The following PRPF18 variants were observed in gnomAD, a reference collection of about 807,000 sequenced individuals.
PRPF18 encodes pre-mRNA-splicing factor 18.
A neutral mutation model predicts 46.5 loss-of-function variants in PRPF18; 38 were observed. That is an observed-to-expected ratio of 0.82 (90% CI 0.63 to 1.07). PRPF18 has a LOEUF of 1.07. Ranked by LOEUF, PRPF18 falls within the 50% of genes least tolerant of loss-of-function variation. The pLI, the probability that PRPF18 is intolerant of heterozygous loss-of-function variation, is 0.00. For missense variants in PRPF18, 263 were observed against 410.0 expected (o/e 0.64, Z 3.10); for synonymous variants, 152 against 146.7 (o/e 1.04, Z -0.26).
intron 9 of PRPF18, among the ~76,000 whole-genome samples, chr10:13,624,375 C>T (rs553349124): frequency 3.9e-5 from 6 of 152,348 alleles, no homozygotes; most frequent in South Asian, 2.1e-4. Context: ...GCAGTCATTA[C>T]GGAACCAAAC....
intron 4 of PRPF18, among the ~76,000 whole-genome samples, chr10:13,608,063 T>C (rs538180892): frequency 1.3e-5 from 2 of 152,366 alleles, no homozygotes; most frequent in South Asian, 4.1e-4. Context: ...ACTCCAAAAC[T>C]TACTAGTGTT....
chr10:13,651,915 G>A, the PRPF18 span: 3 of 1,564,772 alleles, frequency 1.9e-6, no homozygotes, highest in African/African-American at 1.3e-5. Flanking sequence ...CTATTCATCA[G>A]TACTTTGGTG....
At chr10:13,633,593 C>T (rs1245322113), downstream of PRPF18, among the ~76,000 whole-genome samples, 1 of 152,152 alleles carries the variant, frequency 6.6e-6, no homozygotes, top group Non-Finnish European at 1.5e-5. Flanking sequence ...TGCCCCACCC[C>T]ATGAGGTTAA....
At chr10:13,647,747 T>TAAG in the PRPF18 span, 1 of 150,894 alleles carries the variant, frequency 6.6e-6, no homozygotes, top group East Asian at 1.9e-4. Context: ...TTTTTTTTTT[T>TAAG]TAAGTATTTT....
intron 3 of PRPF18, among the ~76,000 whole-genome samples, chr10:13,603,468 A>G (rs2080144050): frequency 6.6e-6 from 1 of 152,250 alleles, no homozygotes; most frequent in Non-Finnish European, 1.5e-5. Flanking sequence ...ATTTAAACTG[A>G]TAACCAGAAA....
the PRPF18 span, chr10:13,650,995 TG>T: frequency 6.6e-6 from 1 of 152,228 alleles, no homozygotes; most frequent in Non-Finnish European, 1.5e-5. Context: ...TCATGCTCCT[TG>T]TATATCTTCT....
In PRPF18 at chr10:13,587,128, G is replaced by T; in HGVS notation, c.42G>T (p.Leu14=). Reference sequence around the variant, plus strand: ...CAGAGATCCTTCGGAAGCGGCAGCTGGTGGAGGACAGGAACCTGCTGGTGG... The same window carrying T: ...CAGAGATCCTTCGGAAGCGGCAGCTTGTGGAGGACAGGAACCTGCTGGTGG... ...LKSEILRKRQ[L]VEDRNLLVEN... The change falls in exon 1 of 10, where the codon CTG becomes CTT. Residue 14 remains leucine, a synonymous_variant. Coordinates refer to ENST00000378572, the MANE Select transcript of PRPF18 (RefSeq NM_003675.4). 2 of 1,614,184 alleles carry T rather than the reference G, an allele frequency of 1.2e-6. No homozygotes were observed. Among genetic ancestry groups the T allele is most frequent in the Non-Finnish European group, 1.7e-6 (2 of 1,180,002 alleles).
intron 9 of PRPF18, among the ~76,000 whole-genome samples, chr10:13,621,444 C>T (rs2080418533): frequency 6.6e-6 from 1 of 152,194 alleles, no homozygotes; most frequent in Admixed American, 6.5e-5. Flanking sequence ...TGTCGCTTCT[C>T]TCGGGTGGCT....
chr10:13,652,682 G>A, the PRPF18 span, among the ~76,000 whole-genome samples: 1 of 152,194 alleles, frequency 6.6e-6, no homozygotes, highest in African/African-American at 2.4e-5. Context: ...CAGGAACACC[G>A]AGCTGGGGCT....
chr10:13,602,151 C>T (rs540589722), intron 3 of PRPF18, among the ~76,000 whole-genome samples: 1 of 152,184 alleles, frequency 6.6e-6, no homozygotes, highest in Admixed American at 6.5e-5. Context: ...AATGTTTCAG[C>T]CTTTGCCAAT....
At chr10:13,638,275 A>G in the PRPF18 span, among the ~76,000 whole-genome samples, 10 of 150,638 alleles carry the variant, frequency 6.6e-5, no homozygotes, top group African/African-American at 2.2e-4. Flanking sequence ...AAGATGGCAG[A>G]GCAGAAGATA....
intron 9 of PRPF18, 53 bp from the exon 10 acceptor site, chr10:13,630,207 T>G (rs1395955603): frequency 1.4e-6 from 2 of 1,403,364 alleles, no homozygotes; most frequent in Non-Finnish European, 2.0e-6. Context: ...GGAAGGCAGT[T>G]AAGAATAATT....
At chr10:13,616,017 C>G (rs1193780884) in intron 8 of PRPF18, among the ~76,000 whole-genome samples, 3 of 152,002 alleles carry the variant, frequency 2.0e-5, no homozygotes, top group African/African-American at 7.2e-5. Context: ...TCTACATGAC[C>G]CCCTGTGGAG....
intron 1 of PRPF18, among the ~76,000 whole-genome samples, chr10:13,596,608 T>C (rs1481134951): frequency 6.6e-6 from 1 of 152,198 alleles, no homozygotes; most frequent in African/African-American, 2.4e-5. Flanking sequence ...GAGGCAGAGC[T>C]GCGATGGCAA....
At chr10:13,632,166 C>G (rs1405074787), downstream of PRPF18, among the ~76,000 whole-genome samples, 1 of 152,140 alleles carries the variant, frequency 6.6e-6, no homozygotes, top group African/African-American at 2.4e-5. Flanking sequence ...ACTGTGAAAC[C>G]CTGTCTCTAC....
rs770962965 is a variant in PRPF18 at position 13,597,458 on chromosome 10, G to GA, written c.71dup (p.Asn24LysfsTer2). The GA allele has an allele frequency of 3.2e-6, 5 of 1,582,570 alleles. No homozygotes were observed. In the Admixed American group the frequency reaches 7.1e-5, roughly 22 times the overall value. ...TGACATAATTTATTTTCTTTAATAG[G>GA]AAAATAAAAAATATTTCAAGCGTAG... On this transcript the variant is annotated frameshift_variant and splice_region_variant, in exon 2 of 10. Transcript: ENST00000378572. LOFTEE classifies it high-confidence loss of function.
chr10:13,608,207 G>A (rs2080217711), intron 4 of PRPF18, among the ~76,000 whole-genome samples: 2 of 152,202 alleles, frequency 1.3e-5, no homozygotes, highest in South Asian at 4.1e-4. Flanking sequence ...TATTGGGCTG[G>A]ATTGAGCAGT....
chr10:13,649,933 T>C, the PRPF18 span, among the ~76,000 whole-genome samples: 4 of 152,158 alleles, frequency 2.6e-5, no homozygotes, highest in Non-Finnish European at 5.9e-5. Flanking sequence ...AAGATCTAGG[T>C]GTGCTCTCTC....
At chr10:13,587,238 A>G (rs2079886965) in intron 1 of PRPF18, 86 bp downstream of exon 1, 3 of 1,407,948 alleles carry the variant, frequency 2.1e-6, no homozygotes, top group Non-Finnish European at 3.0e-6. Context: ...CGATACTCAG[A>G]GGATTCGGGG....
Sources: gnomAD v4.1 joint callset for allele counts (sites outside exome capture counted in the v4.1 genomes callset) on GRCh38, gnomAD v4.1.1 for gene constraint, MANE v1.5 for transcripts, NCBI Gene and HGNC (gene_info 2026-07-23, HGNC 2026-07-21) for gene names.